NIPAL2: variants seen among roughly 807,000 people sequenced by gnomAD.
NIPAL2 encodes NIPA like domain containing 2, also known as NIPA-like protein 2.
Under a neutral mutation model 48.9 loss-of-function variants are expected in NIPAL2, and 43 were observed. That is an observed-to-expected ratio of 0.88 (90% confidence interval 0.69 to 1.13). NIPAL2 has a LOEUF of 1.13. Among genes scored for constraint, NIPAL2 ranks in the 50% most tolerant of loss-of-function variants. The probability of loss-of-function intolerance (pLI) is 0.00; values close to 1 mark genes in which losing one functional copy is unlikely to be tolerated. For missense variants in NIPAL2, 446 were observed against 461.4 expected (o/e 0.97, Z 0.31); for synonymous variants, 167 against 174.6 (o/e 0.96, Z 0.34).
chr8:98,221,321 G>A (rs1042380373), intron 5 of NIPAL2, among the ~76,000 whole-genome samples: 1 of 149,034 alleles, frequency 6.7e-6, no homozygotes, highest in Non-Finnish European at 1.5e-5. Context: ...GTACTGTTGT[G>A]TGCTCCTCTC....
At chr8:98,285,503 G>A (rs1434638846) in intron 1 of NIPAL2, among the ~76,000 whole-genome samples, 1 of 152,202 alleles carries the variant, frequency 6.6e-6, no homozygotes, top group Admixed American at 6.5e-5. Flanking sequence ...TTCTTCCAGG[G>A]GGGTGAAAGG....
chr8:98,281,704 C>G (rs903048867), intron 1 of NIPAL2, among the ~76,000 whole-genome samples: 1 of 152,158 alleles, frequency 6.6e-6, no homozygotes, highest in Non-Finnish European at 1.5e-5. Flanking sequence ...ACAAGCAGAG[C>G]ACAGCCTGTT....
At chr8:98,237,070 CT>C (rs891542267) in intron 3 of NIPAL2, among the ~76,000 whole-genome samples, 2 of 151,162 alleles carry the variant, frequency 1.3e-5, no homozygotes, top group African/African-American at 4.9e-5. Flanking sequence ...CTATTTTTTT[CT>C]TTTTTTTGAG....
rs1278477576 is a variant in NIPAL2, at chr8:98,194,740, C to A, written c.1027G>T (p.Gly343Ter). The change falls in exon 10 of 11, where the codon GGA becomes TGA. Residue 343 changes from glycine (G) to a stop codon, truncating the protein, a stop_gained. Transcript: ENST00000430223. LOFTEE classifies it high-confidence loss of function. ...EHLQQSYIDF[G>*]NIPGKQMLDK... ...TATATGATTTTACCAGGAATATTTC[C>A]AAAATCAATATAAGACTGTTGCAGA... 2 of 1,543,294 alleles carry A rather than the reference C, an allele frequency of 1.3e-6. No individual in the cohort carries two copies. Among genetic ancestry groups the A allele is most frequent in the African/African-American group, 1.4e-5 (1 of 71,730 alleles).
intron 1 of NIPAL2, among the ~76,000 whole-genome samples, chr8:98,266,420 A>G (rs190695062): frequency 1.2e-3 from 180 of 152,110 alleles, no homozygotes; most frequent in Non-Finnish European, 2.2e-3. Context: ...TGGGCAACAC[A>G]GTGAAACCCT....
At chr8:98,264,441 A>G (rs1189497807) in intron 1 of NIPAL2, among the ~76,000 whole-genome samples, 2 of 148,164 alleles carry the variant, frequency 1.3e-5, no homozygotes, top group Admixed American at 6.8e-5. Context: ...GTCTCAGGAT[A>G]CAAAATCAAT....
At chr8:98,243,207 A>G (rs1476416290) in intron 3 of NIPAL2, among the ~76,000 whole-genome samples, 1 of 152,180 alleles carries the variant, frequency 6.6e-6, no homozygotes, top group Non-Finnish European at 1.5e-5. Flanking sequence ...CTGACTGCTG[A>G]CTGTGGACTG....
intron 10 of NIPAL2, chr8:98,193,307 C>T: frequency 2.6e-6 from 4 of 1,518,856 alleles, no homozygotes; most frequent in Admixed American, 1.7e-5. Context: ...GCCACTATCC[C>T]CACCCCACAG....
chr8:98,217,314 G>A (rs1045801010), intron 5 of NIPAL2: 69 of 980,896 alleles, frequency 7.0e-5, no homozygotes, highest in Non-Finnish European at 8.0e-5. Context: ...ACAAGACAAG[G>A]GGTTGATGTG....
At chr8:98,218,693 G>C (rs1811696967) in intron 5 of NIPAL2, among the ~76,000 whole-genome samples, 1 of 152,164 alleles carries the variant, frequency 6.6e-6, no homozygotes, top group South Asian at 2.1e-4. Flanking sequence ...AGAAGTGCAG[G>C]GTCTTCTGGA....
Position 98,192,643 on chromosome 8 carries a change from C to A in NIPAL2, c.*335G>T, listed in dbSNP as rs2130673404. ...CAACTGACACTACCCGTGGGAGAAGCCACCTATGCGACCTGTGGCCAAACC... is the reference window on the plus strand; with the variant it reads ...CAACTGACACTACCCGTGGGAGAAGACACCTATGCGACCTGTGGCCAAACC... On this transcript the variant is annotated 3_prime_UTR_variant, in exon 11 of 11. Coordinates refer to ENST00000430223, the MANE Select transcript of NIPAL2 (RefSeq NM_001321635.2). 8.7e-6 allele frequency: 2 copies of A among 228,660 alleles called. No homozygotes were observed. The highest frequency in any genetic ancestry group is 1.7e-5 in the Non-Finnish European group (2 of 115,718). The allele number at this position is 228,660 out of a possible 1,614,324, so 14.2% of individuals were successfully genotyped here. A position where few individuals can be genotyped will look rare whatever the true frequency, so the allele number is the denominator to read the frequency against.
In NIPAL2 at chr8:98,198,777, C is replaced by T. The variant is rs547094317; in HGVS notation, c.881-2772G>A. On this transcript the variant is annotated intron_variant, in intron 8 of 10. Coordinates refer to ENST00000430223, the MANE Select transcript of NIPAL2 (RefSeq NM_001321635.2). ...AGCCTTCATAGAATGAAAAGAGTTA[C>T]GGCCTTGCTCTGGTTTAGGTGTTGG... Among the ~76,000 whole-genome samples, 17 of 152,254 alleles carry T rather than the reference C, an allele frequency of 1.1e-4. No homozygotes were observed. In the South Asian group the frequency reaches 1.7e-3, roughly 15 times the overall value.
At chr8:98,222,133 C>T (rs1031223685) in intron 5 of NIPAL2, among the ~76,000 whole-genome samples, 2 of 152,062 alleles carry the variant, frequency 1.3e-5, no homozygotes, top group African/African-American at 4.8e-5. Context: ...TTGAAGAGAA[C>T]CCCTATTTTG....
chr8:98,272,203 A>G (rs1815179733), intron 1 of NIPAL2, among the ~76,000 whole-genome samples: 1 of 152,144 alleles, frequency 6.6e-6, no homozygotes, highest in Admixed American at 6.5e-5. Context: ...TCCCAGGTCT[A>G]TTTGACTTCA....
intron 10 of NIPAL2, 112 bp downstream of exon 10, chr8:98,194,616 C>T: frequency 1.9e-6 from 1 of 533,654 alleles, no homozygotes; most frequent in Non-Finnish European, 3.2e-6. Context: ...ATTAAATGTA[C>T]ATTTTTTAGG....
At chr8:98,287,417 G>GCTCACATCAAA (rs1300646890) in intron 1 of NIPAL2, among the ~76,000 whole-genome samples, 1 of 152,156 alleles carries the variant, frequency 6.6e-6, no homozygotes, top group African/African-American at 2.4e-5. Context: ...CTGAAAGGGA[G>GCTCACATCAAA]GCAAACATCA....
In NIPAL2 at chr8:98,284,570, G is replaced by C. The variant is rs118153978; in HGVS notation, c.135+9433C>G. On this transcript the variant is annotated intron_variant, in intron 1 of 10. Transcript: ENST00000430223. ...GCTTACGGTTTTTCTTGAATGGAAT[G>C]TTGGTTACATTTTGGACCCTCATTG... Among the ~76,000 whole-genome samples the C allele has an allele frequency of 1.6e-4, 24 of 152,182 alleles. No homozygotes were observed. The East Asian group carries it at 4.3e-3, about 27-fold the overall frequency.
At chr8:98,284,418 TCA>T (rs57611524) in intron 1 of NIPAL2, among the ~76,000 whole-genome samples, 98,188 of 145,980 alleles carry the variant, frequency 0.67, 32,324 homozygotes, top group Non-Finnish European at 0.72. Flanking sequence ...TCTCTCTCTC[TCA>T]CACACACACA....
In NIPAL2 at chr8:98,294,085, T is replaced by G; in HGVS notation, c.53A>C (p.Asp18Ala). ...GPGDSASAAL[D>A]ELSLNFTYGA... ...GTACGTGAAATTCAGTGACAGCTCG[T>G]CCAGGGCGGCCGAGGCGGAGTCCCC... is the stretch of plus-strand genomic sequence containing the variant. Residue 18 changes from aspartate (D) to alanine (A), a missense_variant, in exon 1 of 11, where the codon GAC becomes GCC. Coordinates refer to ENST00000430223, the MANE Select transcript of NIPAL2 (RefSeq NM_001321635.2). 15 of 1,493,746 alleles carry G rather than the reference T, an allele frequency of 1.0e-5. No individual in the cohort carries two copies. Among genetic ancestry groups the G allele is most frequent in the Non-Finnish European group, 1.3e-5 (15 of 1,122,142 alleles). The allele number at this position is 1,493,746 out of a possible 1,614,324, so 92.5% of individuals were successfully genotyped here.
Sources: gnomAD v4.1 joint callset for allele counts (sites outside exome capture counted in the v4.1 genomes callset) on GRCh38, gnomAD v4.1.1 for gene constraint, MANE v1.5 for transcripts, NCBI Gene and HGNC (gene_info 2026-07-23, HGNC 2026-07-21) for gene names.